The following SSX3 variants were observed in gnomAD, a reference collection of about 807,000 sequenced individuals.
SSX3 encodes the protein SSX family member 3, also known as protein SSX3.
Under a neutral mutation model 14.8 loss-of-function variants are expected in SSX3, and 6 were observed. The observed-to-expected ratio is 0.41, with a 90% CI of 0.22 to 0.80. SSX3 has a LOEUF of 0.80. Ranked by LOEUF, SSX3 falls within the 30% of genes least tolerant of loss-of-function variation. SSX3 has a pLI of 0.34. For missense variants in SSX3, 163 were observed against 152.2 expected, an observed-to-expected ratio of 1.07 and a Z score of -0.37; for synonymous variants, 55 against 52.9, an observed-to-expected ratio of 1.04 and a Z score of -0.18.
Position 48,347,534 on chromosome X carries a change from C to G in SSX3, c.537G>C (p.Glu179Asp). 8.3e-7 allele frequency: 1 copy of G among 1,210,300 alleles called. No homozygotes were observed. Among genetic ancestry groups the G allele is most frequent in the East Asian group, 3.0e-5 (1 of 33,856 alleles). The change falls in exon 7 of 8, where the codon GAG (glutamate) becomes GAC (aspartate). Residue 179 changes from glutamate (E) to aspartate (D), a missense_variant. Transcript: ENST00000298396. Reference sequence around the variant, plus strand: ...CATCATCTTCCTCAGGATCGCTGATCTCTTCATAAATCACCAGCTGCTTTC... The same window carrying G: ...CATCATCTTCCTCAGGATCGCTGATGTCTTCATAAATCACCAGCTGCTTTC... ...RERKQLVIYEEISDPEEDDE is the reference protein window; with the variant it reads ...RERKQLVIYEDISDPEEDDE
rs782684204 is a variant in SSX3, at chrX:48,350,020, G to C, written c.433C>G (p.Pro145Ala). 17 of 1,209,629 alleles carry C rather than the reference G, an allele frequency of 1.4e-5. No homozygotes were observed. Among genetic ancestry groups the C allele is most frequent in the South Asian group, 1.8e-5 (1 of 56,756 alleles). Residue 145 changes from proline to alanine, a missense_variant, in exon 6 of 8, where the codon CCA becomes GCA. Transcript: ENST00000298396. ...ATGTTAATCTTCTCAGAGGTAGTTG[G>C]TTTTCCCGGGGGGCACAGCTGTTTC... ...DGKQLCPPGK[P>A]TTSEKINMIS... is the part of the protein sequence containing the mutation.
In SSX3 at chrX:48,354,511, C is replaced by T. The variant is rs1361126393; in HGVS notation, c.184+121G>A. The T allele has an allele frequency of 4.7e-5, 40 of 843,052 alleles. No homozygotes were observed. The East Asian group carries it at 8.4e-4, about 18-fold the overall frequency. The allele number at this position is 843,052 out of a possible 1,213,427, so 69.5% of individuals were successfully genotyped here. On this transcript the variant is annotated intron_variant, in intron 3 of 7. Transcript: ENST00000298396. ...AGCAGAACACCCAGAAGCTGCCTTG[C>T]GATTTTTCCCTACACAAAAGGAAAA... is the stretch of plus-strand genomic sequence containing the variant.
intron 4 of SSX3, 54 bp downstream of exon 4, chrX:48,353,945 T>C (rs1556950403): frequency 8.9e-7 from 1 of 1,129,481 alleles, no homozygotes; most frequent in African/African-American, 1.8e-5. Flanking sequence ...GTAGCTGAGC[T>C]GAAAAGCAAT....
chrX:48,350,446 A>T (rs2061257129), intron 5 of SSX3, among the ~76,000 whole-genome samples: 1 of 111,609 alleles, frequency 9.0e-6, no homozygotes, highest in African/African-American at 3.3e-5. Flanking sequence ...AGAATTCACA[A>T]GGTCTACAAA....
chrX:48,346,762 T>C lies in SSX3; in HGVS notation c.*278A>G. ...ATACTTGTTTTCTAAGGTAGGTGCA[T>C]GGATACACAAACCAAAATATGCATT... On this transcript the variant is annotated 3_prime_UTR_variant, in exon 8 of 8. Coordinates refer to ENST00000298396, the MANE Select transcript of SSX3 (RefSeq NM_021014.4). 2.2e-6 allele frequency: 1 copy of C among 459,988 alleles called. No individual in the cohort carries two copies. The highest frequency in any genetic ancestry group is 3.8e-5 in the East Asian group (1 of 26,464). 37.9% of individuals were successfully genotyped at this position (459,988 alleles called of 1,213,427 possible). A position where few individuals can be genotyped will look rare whatever the true frequency, so the allele number is the denominator to read the frequency against.
intron 5 of SSX3, among the ~76,000 whole-genome samples, chrX:48,350,866 G>A (rs1556949659): frequency 1.9e-5 from 2 of 107,444 alleles, no homozygotes; most frequent in Non-Finnish European, 3.8e-5. Flanking sequence ...TGACTCCCGC[G>A]TTTAAGCGAT....
intron 6 of SSX3, among the ~76,000 whole-genome samples, chrX:48,349,047 T>C (rs1402906040): frequency 1.8e-4 from 20 of 112,480 alleles, no homozygotes; most frequent in Non-Finnish European, 3.6e-4. Flanking sequence ...AGATCACTGA[T>C]GAAGGTGGCT....
chrX:48,348,770 T>C (rs2061248997), intron 6 of SSX3, among the ~76,000 whole-genome samples: 1 of 112,529 alleles, frequency 8.9e-6, no homozygotes, highest in African/African-American at 3.2e-5. Flanking sequence ...ACTGCTCAAA[T>C]AGAGAAAGTT....
Position 48,346,575 on chromosome X carries a change from C to G in SSX3, c.*465G>C. 1 of 235,523 alleles carries G rather than the reference C, an allele frequency of 4.2e-6. No individual in the cohort carries two copies. Among genetic ancestry groups the G allele is most frequent in the Non-Finnish European group, 7.2e-6 (1 of 138,096 alleles). 19.4% of individuals were successfully genotyped at this position (235,523 alleles called of 1,213,427 possible). On this transcript the variant is annotated 3_prime_UTR_variant, in exon 8 of 8. Coordinates refer to ENST00000298396, the MANE Select transcript of SSX3 (RefSeq NM_021014.4). ...CAGATGGGAGATGCTTATACTGGTA[C>G]TTGGTGTGTGTCTGTGTGTGTGTGT...
chrX:48,351,387 G>GT (rs1432970124), intron 5 of SSX3, among the ~76,000 whole-genome samples: 4 of 111,536 alleles, frequency 3.6e-5, no homozygotes, highest in African/African-American at 9.8e-5. Flanking sequence ...GGAGCTCACA[G>GT]TAGGGAGGGG....
At chrX:48,355,476 T>C (rs2061283030) in intron 1 of SSX3, among the ~76,000 whole-genome samples, 1 of 111,084 alleles carries the variant, frequency 9.0e-6, no homozygotes, top group Non-Finnish European at 1.9e-5. Flanking sequence ...TGATAGGGGA[T>C]GACAGGTTTC....
chrX:48,349,745 C>T (rs1415161468), intron 6 of SSX3: 52 of 1,135,010 alleles, frequency 4.6e-5, no homozygotes, highest in Non-Finnish European at 5.8e-5. Context: ...ATCTTATGGA[C>T]TAGGAACCTG....
At chrX:48,348,898 G>A (rs2061249727) in intron 6 of SSX3, among the ~76,000 whole-genome samples, 1 of 112,083 alleles carries the variant, frequency 8.9e-6, no homozygotes, top group African/African-American at 3.2e-5. Context: ...TGAAGAAGCT[G>A]CAGGAGAAAC....
intron 3 of SSX3, among the ~76,000 whole-genome samples, 155 bp from the exon 4 acceptor site, chrX:48,354,249 A>C (rs1384190733): frequency 8.6e-5 from 9 of 104,390 alleles, no homozygotes; most frequent in African/African-American, 3.2e-4. Flanking sequence ...GCACTACTGC[A>C]CTCTAGCCTA....
chrX:48,355,905 A>G (rs1192699120), intron 1 of SSX3, among the ~76,000 whole-genome samples: 1 of 112,204 alleles, frequency 8.9e-6, no homozygotes, highest in South Asian at 3.7e-4. Context: ...AGCCAGGCGC[A>G]GTGGCTCAGG....
chrX:48,348,659 T>A (rs1160571528), intron 6 of SSX3, among the ~76,000 whole-genome samples: 2 of 112,489 alleles, frequency 1.8e-5, no homozygotes, highest in Non-Finnish European at 3.7e-5. Context: ...AGAAAAGTTC[T>A]TGAAGGAAAT....
In SSX3 at chrX:48,352,114, C is replaced by T. The variant is rs781998186; in HGVS notation, c.316G>A (p.Gly106Arg). The T allele has an allele frequency of 2.5e-6, 3 of 1,209,687 alleles. No individual in the cohort carries two copies. The highest frequency in any genetic ancestry group is 4.3e-5 in the Admixed American group (2 of 45,980). Residue 106 changes from glycine to arginine, a missense_variant, in exon 5 of 8, where the codon GGA (glycine) becomes AGA (arginine). Gly to Arg is a moderately radical substitution (Grantham distance 125). Coordinates refer to ENST00000298396, the MANE Select transcript of SSX3 (RefSeq NM_021014.4). The part of the protein sequence containing the change: ...RPQMTFGRLQ[G>R]IFPKIMPKKP... ...AAGATACTCACCTTCGGGAAGATTC[C>T]CTGGAGCCTGCCGAAAGTCATCTGA...
At chrX:48,352,470 G>A (rs2061267455) in intron 4 of SSX3, among the ~76,000 whole-genome samples, 1 of 112,432 alleles carries the variant, frequency 8.9e-6, no homozygotes, top group African/African-American at 3.2e-5. Context: ...ATCCACTCAA[G>A]ATGTGCAACA....
chrX:48,347,712 C>T (rs2061244828), intron 6 of SSX3, 108 bp from the exon 7 acceptor site: 1 of 1,151,791 alleles, frequency 8.7e-7, no homozygotes, highest in African/African-American at 1.8e-5. Flanking sequence ...GCCCATGGGC[C>T]TTCTTTATCC....
Sources: allele counts gnomAD v4.1 joint callset (sites outside exome capture counted in the v4.1 genomes callset), GRCh38; gene constraint gnomAD v4.1.1; transcripts MANE v1.5; gene names NCBI Gene and HGNC (gene_info 2026-07-23, HGNC 2026-07-21).